AP2A2: variants seen among roughly 807,000 people sequenced by gnomAD.
The protein encoded by AP2A2 is adaptor related protein complex 2 subunit alpha 2, also known as AP-2 complex subunit alpha-2.
AP2A2 carries 32 observed loss-of-function variants against 104.2 expected under a neutral mutation model. The observed-to-expected ratio is 0.31, with a 90% CI of 0.23 to 0.41. The LOEUF is 0.41. Ranked by LOEUF, AP2A2 falls within the 10% of genes least tolerant of loss-of-function variation. The probability of loss-of-function intolerance (pLI) is 1.00; values close to 1 mark genes in which losing one functional copy is unlikely to be tolerated. For missense variants in AP2A2, 912 were observed against 1,261.0 expected (o/e 0.72, Z 4.19); for synonymous variants, 539 against 533.3 (o/e 1.01, Z -0.15).
Position 1,011,265 on chromosome 11 carries a change from G to C in AP2A2, c.*640G>C, listed in dbSNP as rs1328806830. 5.8e-6 allele frequency: 3 copies of C among 518,938 alleles called. No individual in the cohort carries two copies. Among genetic ancestry groups the C allele is most frequent in the African/African-American group, 1.9e-5 (1 of 51,990 alleles). The allele number at this position is 518,938 out of a possible 1,614,324, so 32.1% of individuals were successfully genotyped here. ...CAGCTCCTGTTTGTGAAGGGCGTCT[G>C]TTATGCTCCTGCAGTCGCCGAGGCC... On this transcript the variant is annotated 3_prime_UTR_variant, in exon 22 of 22. Coordinates refer to ENST00000448903, the MANE Select transcript of AP2A2 (RefSeq NM_012305.4).
intron 5 of AP2A2, among the ~76,000 whole-genome samples, chr11:979,385 C>A (rs1354427736): frequency 2.0e-5 from 3 of 151,932 alleles, no homozygotes; most frequent in Admixed American, 6.6e-5. Context: ...CCGAGAAATA[C>A]AGGAAGAAGA....
chr11:1,006,383 T>A, intron 16 of AP2A2, 145 bp from the exon 17 acceptor site: 1 of 652,620 alleles, frequency 1.5e-6, no homozygotes, highest in Non-Finnish European at 2.7e-6. Context: ...GGAAAAAATT[T>A]GTTCTTAATT....
chr11:1,003,419 G>A (rs1254117637), intron 15 of AP2A2, among the ~76,000 whole-genome samples: 3 of 152,258 alleles, frequency 2.0e-5, no homozygotes, highest in Admixed American at 6.5e-5. Flanking sequence ...CCTCACGCCC[G>A]TGTCCCTTCT....
At position 979,511 on chromosome 11, in the gene AP2A2, G is replaced by A. The variant is rs185574523; in HGVS notation, c.604-1687G>A. Among the ~76,000 whole-genome samples the A allele has an allele frequency of 4.4e-3, 677 of 152,236 alleles. 2 individuals are homozygous for A. The highest frequency in any genetic ancestry group is 0.016 in the African/African-American group (655 of 41,538). Reference sequence around the variant, plus strand: ...GCTATAGTAGGTGCACCCCAGCCTGGCTGAGGAGCCGTGGCACAGGGCGAG... The same window carrying A: ...GCTATAGTAGGTGCACCCCAGCCTGACTGAGGAGCCGTGGCACAGGGCGAG... On this transcript the variant is annotated intron_variant, in intron 5 of 21. Coordinates refer to ENST00000448903, the MANE Select transcript of AP2A2 (RefSeq NM_012305.4).
Position 1,000,492 on chromosome 11 carries a change from G to A in AP2A2, c.2017G>A (p.Gly673Ser). ...GLGAAPPAPAGPPPSSGGSGL... is the reference protein window; with the variant it reads ...GLGAAPPAPASPPPSSGGSGL... ...CGGGGCTGCCCCCCCTGCCCCCGCGGGCCCCCCACCCTCCTCCGGCGGCAG... is the reference window on the plus strand; with the variant it reads ...CGGGGCTGCCCCCCCTGCCCCCGCGAGCCCCCCACCCTCCTCCGGCGGCAG... The change falls in exon 15 of 22, where the codon GGC becomes AGC. Residue 673 changes from glycine to serine, a missense_variant. This residue lies in a region of AP2A2 where 105 missense variants were observed against 90.9 expected (regional missense o/e 1.16). Coordinates refer to ENST00000448903, the MANE Select transcript of AP2A2 (RefSeq NM_012305.4). 1 of 1,540,092 alleles carries A rather than the reference G, an allele frequency of 6.5e-7. No individual in the cohort carries two copies. Among genetic ancestry groups the A allele is most frequent in the African/African-American group, 1.4e-5 (1 of 73,196 alleles).
In AP2A2 at chr11:1,007,993, G is replaced by A; in HGVS notation, c.2297-19G>A. ...TCTGCCACTGGGACTTGCTCAGCTGGATTCCTTAACGCACGCACACCTGAA... is the reference window on the plus strand; with the variant it reads ...TCTGCCACTGGGACTTGCTCAGCTGAATTCCTTAACGCACGCACACCTGAA... On this transcript the variant is annotated intron_variant, in intron 17 of 21. Transcript: ENST00000448903. The A allele has an allele frequency of 2.6e-6, 4 of 1,553,170 alleles. No homozygotes were observed. The highest frequency in any genetic ancestry group is 3.5e-6 in the Non-Finnish European group (4 of 1,148,538).
intron 2 of AP2A2, among the ~76,000 whole-genome samples, chr11:965,549 T>A (rs1854585557): frequency 6.6e-6 from 1 of 152,212 alleles, no homozygotes; most frequent in Admixed American, 6.5e-5. Flanking sequence ...CAACTTTGGC[T>A]TTAAGGGAGT....
chr11:945,326 T>C (rs993343735), intron 1 of AP2A2, among the ~76,000 whole-genome samples: 3 of 152,252 alleles, frequency 2.0e-5, no homozygotes, highest in African/African-American at 7.2e-5. Flanking sequence ...AGCAGGGGAA[T>C]GACACTCAAT....
chr11:971,166 T>C (rs7103585), intron 3 of AP2A2, among the ~76,000 whole-genome samples: 76,947 of 151,986 alleles, frequency 0.51, 20,110 homozygotes, highest in Middle Eastern at 0.66. Context: ...GCACAGGGAC[T>C]GGAACTTGGG....
At chr11:1,005,425 GCA>G (rs1205735402) in intron 16 of AP2A2, among the ~76,000 whole-genome samples, 1 of 152,220 alleles carries the variant, frequency 6.6e-6, no homozygotes, top group Admixed American at 6.5e-5. Flanking sequence ...GGCAGCAGCT[GCA>G]CAGTGTGGAT....
intron 1 of AP2A2, 49 bp from the exon 2 acceptor site, chr11:959,388 T>G (rs758619447): frequency 7.9e-7 from 1 of 1,262,658 alleles, no homozygotes; most frequent in South Asian, 1.2e-5. Context: ...AAATGGTGTT[T>G]CTTTAGAAAT....
chr11:972,150 G>A lies in AP2A2; in HGVS notation c.368G>A (p.Arg123His), dbSNP rs752922457. 1.2e-5 allele frequency: 20 copies of A among 1,613,170 alleles called. No individual in the cohort carries two copies. The highest frequency in any genetic ancestry group is 6.7e-5 in the African/African-American group (5 of 74,930). The stretch of plus-strand genomic sequence containing the variant: ...GCCATCAAGAATGACCTGGCCAGCC[G>A]CAACCCCACCTTCATGGGCCTGGCC... ...NNAIKNDLASRNPTFMGLALH... is the reference protein window; with the variant it reads ...NNAIKNDLASHNPTFMGLALH... Residue 123 changes from arginine (R) to histidine (H), a missense_variant, in exon 4 of 22, where the codon CGC becomes CAC. Transcript: ENST00000448903.
In AP2A2 at chr11:1,006,339, G is replaced by A. The variant is rs114752843; in HGVS notation, c.2207-189G>A. On this transcript the variant is annotated intron_variant, in intron 16 of 21. Transcript: ENST00000448903. ...TCTGACTGGAGGAGATACCCGGCCC[G>A]TGTTACCAGCACTGGTGTGCTCGTT... Among the ~76,000 whole-genome samples the A allele has an allele frequency of 2.1e-3, 318 of 152,270 alleles. 1 individual carries two copies. The highest frequency in any genetic ancestry group is 6.9e-3 in the African/African-American group (286 of 41,496).
At chr11:991,937 TGTGG>T (rs1263127672) in intron 10 of AP2A2, among the ~76,000 whole-genome samples, 1 of 152,040 alleles carries the variant, frequency 6.6e-6, no homozygotes, top group Non-Finnish European at 1.5e-5. Flanking sequence ...CAGAGCTCCA[TGTGG>T]GTGGCTGCCA....
chr11:994,188 C>T lies in AP2A2; in HGVS notation c.1899C>T (p.Asp633=). The T allele has an allele frequency of 6.2e-7, 1 of 1,613,022 alleles. No individual in the cohort carries two copies. The highest frequency in any genetic ancestry group is 8.5e-7 in the Non-Finnish European group (1 of 1,179,856). ...CAGACCTGGAGGACACCAAGCGGGA[C>T]AGGAGTGTGGACGTGAACGGGGGTC... ...TVTDLEDTKR[D]RSVDVNGGPE... is the part of the protein sequence containing the mutation. The change falls in exon 14 of 22, where the codon GAC becomes GAT. Residue 633 remains aspartate (D), a synonymous_variant. Transcript: ENST00000448903.
chr11:951,294 AGGT>A (rs1279943400), intron 1 of AP2A2, among the ~76,000 whole-genome samples: 1 of 152,158 alleles, frequency 6.6e-6, no homozygotes, highest in African/African-American at 2.4e-5. Flanking sequence ...TGGGAGGCCG[AGGT>A]GGGTGGATCA....
chr11:967,513 C>T (rs1854660205), intron 2 of AP2A2, among the ~76,000 whole-genome samples: 1 of 152,008 alleles, frequency 6.6e-6, no homozygotes, highest in African/African-American at 2.4e-5. Context: ...AGGCGCCCGC[C>T]ACCACGCCCG....
At chr11:1,003,925 A>T (rs1856111236) in intron 16 of AP2A2, 121 bp downstream of exon 16, 2 of 637,672 alleles carry the variant, frequency 3.1e-6, no homozygotes, top group African/African-American at 1.9e-5. Flanking sequence ...AACTCCCATA[A>T]CTCAGTAAGA....
rs140436571 is a variant in AP2A2, at chr11:958,915, G to T, written c.68-522G>T. On this transcript the variant is annotated intron_variant, in intron 1 of 21. Coordinates refer to ENST00000448903, the MANE Select transcript of AP2A2 (RefSeq NM_012305.4). Reference sequence around the variant, plus strand: ...AGCTGAGTCTTGAAGGATGCGTGTTGCAGAGGCTGCATCTGTTTTGCGACT... The same window carrying T: ...AGCTGAGTCTTGAAGGATGCGTGTTTCAGAGGCTGCATCTGTTTTGCGACT... Among the ~76,000 whole-genome samples the T allele has an allele frequency of 5.3e-4, 81 of 152,328 alleles. 1 individual carries two copies. The East Asian group carries it at 0.015, about 29-fold the overall frequency.
Sources: gnomAD v4.1 joint callset for allele counts (sites outside exome capture counted in the v4.1 genomes callset) on GRCh38, gnomAD v4.1.1 for gene constraint, gnomAD v4.1.1 regional missense constraint, MANE v1.5 for transcripts, NCBI Gene and HGNC (gene_info 2026-07-23, HGNC 2026-07-21) for gene names.